Variants in NSRP1 observed in about 807,000 individuals in gnomAD.
NSRP1 encodes coiled-coil domain containing 55.
NSRP1 carries 24 observed loss-of-function variants against 54.7 expected under a neutral mutation model. The observed-to-expected ratio is 0.44, with a 90% CI of 0.32 to 0.62. The LOEUF is 0.62. Among genes scored for constraint, NSRP1 ranks in the 20% least tolerant of loss-of-function variants. The probability of loss-of-function intolerance (pLI) is 0.06; values close to 1 mark genes in which losing one functional copy is unlikely to be tolerated. For missense variants in NSRP1, 596 were observed against 651.2 expected (o/e 0.92, Z 0.92); for synonymous variants, 210 against 213.8 (o/e 0.98, Z 0.15).
intron 2 of NSRP1, among the ~76,000 whole-genome samples, chr17:30,153,962 G>A (rs1189593042): frequency 6.6e-6 from 1 of 152,160 alleles, no homozygotes; most frequent in East Asian, 1.9e-4. Flanking sequence ...AAGTTGTATA[G>A]CCCTGCTCTA....
At chr17:30,147,710 G>A (rs937769180) in intron 2 of NSRP1, among the ~76,000 whole-genome samples, 11 of 150,714 alleles carry the variant, frequency 7.3e-5, no homozygotes, top group South Asian at 6.3e-4. Flanking sequence ...TGATCTGCCC[G>A]CCTCAGCCTC....
chr17:30,146,980 A>G (rs2071861445), intron 2 of NSRP1, among the ~76,000 whole-genome samples: 2 of 152,168 alleles, frequency 1.3e-5, no homozygotes, highest in Admixed American at 6.5e-5. Context: ...ACTTTATTAG[A>G]CAAGTTTTCA....
chr17:30,148,277 A>G (rs1299121210), intron 2 of NSRP1, among the ~76,000 whole-genome samples: 1 of 152,216 alleles, frequency 6.6e-6, no homozygotes, highest in Non-Finnish European at 1.5e-5. Flanking sequence ...CCTTTTGAGC[A>G]GGATGTATTA....
chr17:30,175,399 T>G (rs2143009106), intron 3 of NSRP1, among the ~76,000 whole-genome samples: 1 of 152,182 alleles, frequency 6.6e-6, no homozygotes, highest in South Asian at 2.1e-4. Context: ...TGCTTGTTTG[T>G]TTTTTGGGGT....
intron 2 of NSRP1, among the ~76,000 whole-genome samples, chr17:30,143,550 C>G (rs1165292164): frequency 6.6e-6 from 1 of 151,678 alleles, no homozygotes; most frequent in Non-Finnish European, 1.5e-5. Context: ...TAAAATTTGC[C>G]CTGTGTAGAA....
chr17:30,158,395 G>A (rs997208203), intron 2 of NSRP1, among the ~76,000 whole-genome samples: 10 of 149,018 alleles, frequency 6.7e-5, no homozygotes, highest in African/African-American at 2.5e-4. Flanking sequence ...TTTTGTAAAC[G>A]TTTTCTCTCA....
intron 2 of NSRP1, among the ~76,000 whole-genome samples, chr17:30,120,433 G>A (rs977889077): frequency 6.6e-6 from 1 of 152,176 alleles, no homozygotes; most frequent in Non-Finnish European, 1.5e-5. Flanking sequence ...TTTTAATTAT[G>A]TCGTTGCATT....
At chr17:30,146,462 C>T (rs2071856459) in intron 2 of NSRP1, among the ~76,000 whole-genome samples, 1 of 152,174 alleles carries the variant, frequency 6.6e-6, no homozygotes, top group Admixed American at 6.5e-5. Flanking sequence ...CTCCTGGGCT[C>T]AAGTAGTCCT....
At chr17:30,134,884 A>G (rs1157299371) in intron 2 of NSRP1, among the ~76,000 whole-genome samples, 1 of 152,208 alleles carries the variant, frequency 6.6e-6, no homozygotes, top group Non-Finnish European at 1.5e-5. Context: ...GTTGTGTTCA[A>G]ATGTGCTTTT....
At chr17:30,154,164 T>TA (rs1036407862) in intron 2 of NSRP1, among the ~76,000 whole-genome samples, 8 of 151,118 alleles carry the variant, frequency 5.3e-5, no homozygotes, top group African/African-American at 1.9e-4. Context: ...CTACAAAAAA[T>TA]AAAAAAATAA....
chr17:30,117,828 ACTTCT>A, intron 1 of NSRP1: 1 of 341,228 alleles, frequency 2.9e-6, no homozygotes, highest in Non-Finnish European at 5.2e-6. Flanking sequence ...CTTTTCATTT[ACTTCT>A]CTTCTTTGAT....
intron 2 of NSRP1, among the ~76,000 whole-genome samples, chr17:30,138,545 T>C (rs893144668): frequency 1.3e-5 from 2 of 152,226 alleles, no homozygotes; most frequent in African/African-American, 4.8e-5. Context: ...CTCTATTGTT[T>C]AGGGAATAAT....
chr17:30,174,859 A>C (rs1905074158), intron 3 of NSRP1, among the ~76,000 whole-genome samples: 1 of 152,216 alleles, frequency 6.6e-6, no homozygotes, highest in African/African-American at 2.4e-5. Context: ...ATATTGTTGC[A>C]TTTGGCTTAC....
In NSRP1 at chr17:30,185,633, C is replaced by T. The variant is rs543227737; in HGVS notation, c.1636C>T (p.Arg546Trp). The T allele has an allele frequency of 9.9e-5, 160 of 1,609,540 alleles. No individual in the cohort carries two copies. Among genetic ancestry groups the T allele is most frequent in the Middle Eastern group, 3.3e-4 (2 of 6,038 alleles). ...RDRYLARQMARVNAKTYIEKE... is the reference protein window; with the variant it reads ...RDRYLARQMAWVNAKTYIEKE... Reference sequence around the variant, plus strand: ...CAGGTACTTGGCCAGGCAGATGGCGCGGGTTAATGCAAAGACCTATATTGA... The same window carrying T: ...CAGGTACTTGGCCAGGCAGATGGCGTGGGTTAATGCAAAGACCTATATTGA... The change falls in exon 7 of 7, where the codon CGG becomes TGG. Residue 546 changes from arginine to tryptophan, a missense_variant. Transcript: ENST00000247026.
At chr17:30,142,657 C>T (rs2071816960) in intron 2 of NSRP1, among the ~76,000 whole-genome samples, 1 of 152,144 alleles carries the variant, frequency 6.6e-6, no homozygotes, top group Non-Finnish European at 1.5e-5. Context: ...TAGTCCAGTG[C>T]ATAACACAGA....
At chr17:30,184,573 T>G in intron 6 of NSRP1, 42 bp from the exon 7 acceptor site, 1 of 1,517,976 alleles carries the variant, frequency 6.6e-7, no homozygotes, top group Non-Finnish European at 8.8e-7. Context: ...CAACTGATAA[T>G]GTGGCATTTT....
At chr17:30,130,783 C>G (rs2071692494) in intron 2 of NSRP1, among the ~76,000 whole-genome samples, 1 of 152,056 alleles carries the variant, frequency 6.6e-6, no homozygotes, top group Non-Finnish European at 1.5e-5. Flanking sequence ...TACACTGTTT[C>G]TTTTTCTCTA....
chr17:30,136,111 G>A (rs984195250), intron 2 of NSRP1, among the ~76,000 whole-genome samples: 3 of 152,096 alleles, frequency 2.0e-5, no homozygotes, highest in African/African-American at 2.4e-5. Flanking sequence ...TACTCGGGAG[G>A]CTGAGGCAGG....
chr17:30,147,813 CT>C lies in NSRP1; in HGVS notation c.115-24714del, dbSNP rs113635257. On this transcript the variant is annotated intron_variant, in intron 2 of 6. Coordinates refer to ENST00000247026, the MANE Select transcript of NSRP1 (RefSeq NM_032141.4). ...AACTCTTCTATTCATCACTGACCAACTTTTTTTTTTTTTTTGAGACGGAGTT... is the reference window on the plus strand; with the variant it reads ...AACTCTTCTATTCATCACTGACCAACTTTTTTTTTTTTTTGAGACGGAGTT... Among the ~76,000 whole-genome samples the C allele has an allele frequency of 9.4e-3, 1,325 of 140,998 alleles. 18 individuals are homozygous for C. Among genetic ancestry groups the C allele is most frequent in the African/African-American group, 0.027 (1,028 of 38,762 alleles). 92.5% of individuals were successfully genotyped at this position (140,998 alleles called of 152,430 possible).
Sources: gnomAD v4.1 joint callset for allele counts (sites outside exome capture counted in the v4.1 genomes callset) on GRCh38, gnomAD v4.1.1 for gene constraint, MANE v1.5 for transcripts, NCBI Gene and HGNC (gene_info 2026-07-23, HGNC 2026-07-21) for gene names.